PDLIM4: variants seen among roughly 807,000 people sequenced by gnomAD.
PDLIM4 encodes PDZ and LIM domain 4.
PDLIM4 carries 19 observed loss-of-function variants against 31.3 expected under a neutral mutation model. The observed-to-expected ratio is 0.61, with a 90% CI of 0.42 to 0.89. The LOEUF is 0.89. Ranked by LOEUF, PDLIM4 falls within the 40% of genes least tolerant of loss-of-function variation. The pLI is 0.00. For missense variants in PDLIM4, 442 were observed against 461.1 expected, an observed-to-expected ratio of 0.96 and a Z score of 0.38; for synonymous variants, 176 against 190.1, an observed-to-expected ratio of 0.93 and a Z score of 0.61.
At chr5:132,268,274 A>C (rs898119797) in intron 3 of PDLIM4, among the ~76,000 whole-genome samples, 2 of 151,902 alleles carry the variant, frequency 1.3e-5, no homozygotes, top group Non-Finnish European at 2.9e-5. Context: ...CCCCCACCCC[A>C]CCCCTGCAGG....
chr5:132,265,360 T>C (rs1466403059), intron 2 of PDLIM4, among the ~76,000 whole-genome samples: 1 of 151,868 alleles, frequency 6.6e-6, no homozygotes, highest in African/African-American at 2.4e-5. Context: ...CCCAGAGGAG[T>C]TCTGAGTAGA....
intron 2 of PDLIM4, among the ~76,000 whole-genome samples, chr5:132,264,158 G>A (rs1465054031): frequency 6.6e-6 from 1 of 152,178 alleles, no homozygotes; most frequent in Non-Finnish European, 1.5e-5. Context: ...GCCTCAGAGG[G>A]GGCCTGAGTC....
At chr5:132,266,329 G>A (rs1410047162) in intron 2 of PDLIM4, 135 bp from the exon 3 acceptor site, 3 of 618,570 alleles carry the variant, frequency 4.8e-6, no homozygotes, top group Admixed American at 2.7e-5. Flanking sequence ...CACCATTGTG[G>A]TACAGGGGAA....
chr5:132,258,596 T>G (rs1265310057), intron 1 of PDLIM4, among the ~76,000 whole-genome samples: 1 of 151,976 alleles, frequency 6.6e-6, no homozygotes, highest in Non-Finnish European at 1.5e-5. Flanking sequence ...TCAGGCCCTG[T>G]TCGAGGGGGT....
chr5:132,269,754 A>G (rs908835562), intron 3 of PDLIM4, among the ~76,000 whole-genome samples: 1 of 152,148 alleles, frequency 6.6e-6, no homozygotes, highest in Non-Finnish European at 1.5e-5. Context: ...TGTAGAGCAG[A>G]GGAGGTTTAC....
intron 2 of PDLIM4, among the ~76,000 whole-genome samples, chr5:132,264,543 C>T (rs1051658759): frequency 2.6e-5 from 4 of 152,088 alleles, no homozygotes; most frequent in African/African-American, 9.7e-5. Flanking sequence ...GATGATGTAC[C>T]AGGCCTGCTC....
intron 3 of PDLIM4, among the ~76,000 whole-genome samples, chr5:132,269,953 T>C (rs1350646733): frequency 1.3e-5 from 2 of 151,658 alleles, no homozygotes; most frequent in African/African-American, 2.4e-5. Context: ...GTAGGGAGAT[T>C]GGTAGGTGCA....
At chr5:132,265,069 A>G (rs1209980472) in intron 2 of PDLIM4, among the ~76,000 whole-genome samples, 1 of 152,072 alleles carries the variant, frequency 6.6e-6, no homozygotes, top group Non-Finnish European at 1.5e-5. Flanking sequence ...ATCAACTCCA[A>G]CACTGAGGCC....
chr5:132,269,700 C>T (rs777528938), intron 3 of PDLIM4, among the ~76,000 whole-genome samples: 8 of 152,268 alleles, frequency 5.3e-5, no homozygotes, highest in East Asian at 3.9e-4. Context: ...CTTCCCACTA[C>T]GATAGGCATC....
intron 2 of PDLIM4, among the ~76,000 whole-genome samples, chr5:132,265,749 C>T (rs1756478542): frequency 6.6e-6 from 1 of 152,240 alleles, no homozygotes; most frequent in African/African-American, 2.4e-5. Context: ...AGGGTCCATG[C>T]CCCTTCCTGG....
intron 1 of PDLIM4, among the ~76,000 whole-genome samples, chr5:132,258,550 T>G (rs2126668678): frequency 6.6e-6 from 1 of 152,026 alleles, no homozygotes; most frequent in Middle Eastern, 3.4e-3. Context: ...CCCTGGAGCG[T>G]GGCTAGTCTG....
In PDLIM4 at chr5:132,257,708, A is replaced by AGGCTCCGGCTGC. The variant is rs1756272875; in HGVS notation, c.-20_-9dup. 4.3e-6 allele frequency: 6 copies of AGGCTCCGGCTGC among 1,406,150 alleles called. No individual in the cohort carries two copies. Among genetic ancestry groups the AGGCTCCGGCTGC allele is most frequent in the South Asian group, 1.3e-5 (1 of 75,462 alleles). The allele number at this position is 1,406,150 out of a possible 1,614,324, so 87.1% of individuals were successfully genotyped here. On this transcript the variant is annotated 5_prime_UTR_variant, in exon 1 of 7. Coordinates refer to ENST00000253754, the MANE Select transcript of PDLIM4 (RefSeq NM_003687.4). This position sits in a 1 kb window ranked among gnomAD's most constrained non-coding sequence, Gnocchi z 4.3. Reference sequence around the variant, plus strand: ...GCGGCTCCTCCTCAGAGTCCGGCTCAGGCTCCGGCTGCGGCTCCAGCCCGC... The same window carrying AGGCTCCGGCTGC: ...GCGGCTCCTCCTCAGAGTCCGGCTCAGGCTCCGGCTGCGGCTCCGGCTGCGGCTCCAGCCCGC...
At chr5:132,271,656 C>G in intron 5 of PDLIM4, 135 bp from the exon 6 acceptor site, 1 of 941,098 alleles carries the variant, frequency 1.1e-6, no homozygotes. Flanking sequence ...TGTCGCTGCC[C>G]CTCACCCCAC....
At chr5:132,265,281 A>G (rs943277033) in intron 2 of PDLIM4, among the ~76,000 whole-genome samples, 4 of 152,202 alleles carry the variant, frequency 2.6e-5, no homozygotes, top group African/African-American at 9.7e-5. Flanking sequence ...TCAGGCTTGT[A>G]CTGCTCTTCT....
chr5:132,271,758 C>T, intron 5 of PDLIM4, 33 bp from the exon 6 acceptor site: 1 of 1,426,242 alleles, frequency 7.0e-7, no homozygotes, highest in South Asian at 1.1e-5. Context: ...GACCTCCTCA[C>T]CCCGTTCATG....
chr5:132,271,429 C>T lies in PDLIM4; in HGVS notation c.633C>T (p.Phe211=). The change falls in exon 5 of 7, where the codon TTC becomes TTT. Residue 211 remains phenylalanine (F), a synonymous_variant. Coordinates refer to ENST00000253754, the MANE Select transcript of PDLIM4 (RefSeq NM_003687.4). ...VAAEPKQSGS[F]RYLQGMLEAG... Reference sequence around the variant, plus strand: ...CGGAGCCCAAGCAGTCAGGCTCCTTCCGCTACTTGCAGGGCATGCTAGAGG... The same window carrying T: ...CGGAGCCCAAGCAGTCAGGCTCCTTTCGCTACTTGCAGGGCATGCTAGAGG... 1 of 1,609,196 alleles carries T rather than the reference C, an allele frequency of 6.2e-7. No homozygotes were observed. Among genetic ancestry groups the T allele is most frequent in the Non-Finnish European group, 8.5e-7 (1 of 1,179,910 alleles).
intron 5 of PDLIM4, 41 bp downstream of exon 5, chr5:132,271,507 C>G: frequency 6.3e-7 from 1 of 1,596,698 alleles, no homozygotes; most frequent in South Asian, 1.1e-5. Context: ...CTTCCCACTC[C>G]CTGCAGTGCC....
chr5:132,270,793 C>T (rs1469042654), intron 3 of PDLIM4, 122 bp from the exon 4 acceptor site: 4 of 850,186 alleles, frequency 4.7e-6, no homozygotes, highest in Admixed American at 2.0e-5. Context: ...CCAGAGATGC[C>T]GAAGCAGAGG....
At chr5:132,270,040 T>C (rs1756571489) in intron 3 of PDLIM4, among the ~76,000 whole-genome samples, 1 of 152,240 alleles carries the variant, frequency 6.6e-6, no homozygotes, top group Admixed American at 6.5e-5. Context: ...TTTACATTGC[T>C]GTGGGGTGCT....
Sources: gnomAD v4.1 joint callset for allele counts (sites outside exome capture counted in the v4.1 genomes callset) on GRCh38, gnomAD v4.1.1 for gene constraint, Gnocchi (gnomAD v3.1) non-coding constraint, MANE v1.5 for transcripts, NCBI Gene and HGNC (gene_info 2026-07-23, HGNC 2026-07-21) for gene names.